TRHDE: variants seen among roughly 807,000 people sequenced by gnomAD.
TRHDE encodes the protein thyrotropin-releasing hormone-degrading ectoenzyme.
TRHDE carries 72 observed loss-of-function variants against 125.7 expected under a neutral mutation model. The observed-to-expected ratio is 0.57, with a 90% CI of 0.47 to 0.70. The LOEUF (loss-of-function observed/expected upper bound fraction) is 0.70, where lower values mean the gene tolerates loss of function less well. TRHDE is among the 30% of genes least tolerant of loss of function. The probability of loss-of-function intolerance (pLI) is 0.00; values close to 1 mark genes in which losing one functional copy is unlikely to be tolerated. For missense variants in TRHDE, 1,110 were observed against 1,327.1 expected (o/e 0.84, Z 2.54); for synonymous variants, 509 against 509.1 (o/e 1.00, Z 0.00).
At chr12:72,475,640 A>G (rs187896632) in intron 5 of TRHDE, among the ~76,000 whole-genome samples, 1 of 152,328 alleles carries the variant, frequency 6.6e-6, no homozygotes, top group African/African-American at 2.4e-5. Flanking sequence ...GAAAATGAAC[A>G]CAGAGTGTAA....
intron 2 of TRHDE, among the ~76,000 whole-genome samples, chr12:72,369,026 A>G (rs1331843427): frequency 6.6e-6 from 1 of 152,176 alleles, no homozygotes; most frequent in African/African-American, 2.4e-5. Flanking sequence ...CTTTATTGCC[A>G]TCTTTGACTT....
intron 2 of TRHDE, among the ~76,000 whole-genome samples, chr12:72,289,057 C>A (rs1565685442): frequency 1.3e-5 from 2 of 152,094 alleles, no homozygotes; most frequent in Non-Finnish European, 1.5e-5. Flanking sequence ...AATCTGTTTT[C>A]TTTTCACTGC....
chr12:72,203,099 T>C lies in TRHDE; in HGVS notation n.279+97347T>C, dbSNP rs112655379. Among the ~76,000 whole-genome samples the C allele has an allele frequency of 3.0e-3, 455 of 152,244 alleles. 3 individuals are homozygous for C. The highest frequency in any genetic ancestry group is 0.017 in the East Asian group (86 of 5,172). ...TTATGTCTTTTATAATGCTTATTGC[T>C]AGTTCATCTTTGTGTGTGTATGAGA... is the stretch of plus-strand genomic sequence containing the variant. On this transcript the variant is annotated intron_variant and non_coding_transcript_variant, in intron 2 of 4. Coordinates refer to the TRHDE transcript ENST00000548156.
intron 5 of TRHDE, among the ~76,000 whole-genome samples, chr12:72,485,177 C>T (rs1403029733): frequency 6.6e-6 from 1 of 152,194 alleles, no homozygotes; most frequent in Admixed American, 6.5e-5. Flanking sequence ...CACTGAGCTA[C>T]ACCCAGAGAA....
intron 2 of TRHDE, among the ~76,000 whole-genome samples, chr12:72,314,667 A>G (rs549479241): frequency 2.8e-4 from 42 of 152,266 alleles, no homozygotes; most frequent in South Asian, 1.5e-3. Flanking sequence ...CTTTGGACCT[A>G]CCAAGAGTCA....
At chr12:72,182,320 T>C (rs1039696935) in intron 2 of TRHDE, among the ~76,000 whole-genome samples, 1 of 152,146 alleles carries the variant, frequency 6.6e-6, no homozygotes, top group Non-Finnish European at 1.5e-5. Context: ...CTTTCCTTTG[T>C]TTGAATTAAG....
intron 5 of TRHDE, among the ~76,000 whole-genome samples, chr12:72,495,350 C>T (rs571051529): frequency 3.2e-4 from 48 of 152,052 alleles, no homozygotes; most frequent in African/African-American, 7.0e-4. Flanking sequence ...TAAGCCATTA[C>T]GCCTGCTACT....
Position 72,195,780 on chromosome 12 carries a change from A to G in TRHDE, n.279+90028A>G, listed in dbSNP as rs983032187. 3.3e-5 allele frequency among the ~76,000 whole-genome samples: 5 copies of G among 152,114 alleles called. No homozygotes were observed. In the South Asian group the frequency reaches 1.0e-3, roughly 31 times the overall value. On this transcript the variant is annotated intron_variant and non_coding_transcript_variant, in intron 2 of 4. Coordinates refer to the TRHDE transcript ENST00000548156. ...TTGTCATAATTGCTTTTGAGGATCT[A>G]GTTATAAATTATTTCCCAAGGCTGA...
chr12:72,568,879 G>C (rs969430074), intron 10 of TRHDE, among the ~76,000 whole-genome samples: 1 of 152,036 alleles, frequency 6.6e-6, no homozygotes, highest in African/African-American at 2.4e-5. Flanking sequence ...ATGGTAAAGA[G>C]AAAACTTAAA....
chr12:72,478,675 AG>A (rs1210095439), intron 5 of TRHDE, among the ~76,000 whole-genome samples: 1 of 152,144 alleles, frequency 6.6e-6, no homozygotes, highest in Non-Finnish European at 1.5e-5. Context: ...AACTACAAGG[AG>A]GATATAAGAG....
At chr12:72,562,351 T>C in intron 8 of TRHDE, 121 bp downstream of exon 8, 1 of 503,624 alleles carries the variant, frequency 2.0e-6, no homozygotes, top group Non-Finnish European at 3.6e-6. Context: ...ATTTTTCATT[T>C]GTTCATATTG....
chr12:72,194,537 C>A (rs960012965), intron 2 of TRHDE, among the ~76,000 whole-genome samples: 5 of 152,086 alleles, frequency 3.3e-5, no homozygotes, highest in Non-Finnish European at 7.4e-5. Context: ...TCTTTCCCCC[C>A]TCCTTTCCCC....
At chr12:72,386,700 C>G (rs1178233036) in intron 3 of TRHDE, among the ~76,000 whole-genome samples, 1 of 152,138 alleles carries the variant, frequency 6.6e-6, no homozygotes, top group Non-Finnish European at 1.5e-5. Flanking sequence ...CATTTTACAT[C>G]AGACTTCCCC....
rs944874018 is a variant in TRHDE at position 72,663,896 on chromosome 12, T to C, written c.*701T>C. On this transcript the variant is annotated 3_prime_UTR_variant, in exon 19 of 19. Coordinates refer to ENST00000261180, the MANE Select transcript of TRHDE (RefSeq NM_013381.3). ...TGTATATGTACATAGGGAAGCCCCATATGTATATAGTATGTTGTACACTGC... is the reference window on the plus strand; with the variant it reads ...TGTATATGTACATAGGGAAGCCCCACATGTATATAGTATGTTGTACACTGC... 6.6e-6 allele frequency: 1 copy of C among 152,098 alleles called. No individual in the cohort carries two copies. The highest frequency in any genetic ancestry group is 2.4e-5 in the African/African-American group (1 of 41,450). 9.4% of individuals were successfully genotyped at this position (152,098 alleles called of 1,614,324 possible). A position where few individuals can be genotyped will look rare whatever the true frequency, so the allele number is the denominator to read the frequency against.
In TRHDE at chr12:72,253,597, T is replaced by A. The variant is rs764936564; in HGVS notation, n.280-124398T>A. 2.0e-5 allele frequency: 3 copies of A among 152,132 alleles called. No individual in the cohort carries two copies. In the South Asian group the frequency reaches 6.2e-4, roughly 32 times the overall value. 9.4% of individuals were successfully genotyped at this position (152,132 alleles called of 1,614,324 possible). A position where few individuals can be genotyped will look rare whatever the true frequency, so the allele number is the denominator to read the frequency against. ...TACAGAAATTGCTCACACATCTCCT[T>A]TCCCCACACATGTATAGCTTCCCTC... On this transcript the variant is annotated intron_variant and non_coding_transcript_variant, in intron 2 of 4. Transcript: ENST00000548156.
intron 7 of TRHDE, among the ~76,000 whole-genome samples, chr12:72,548,553 G>A (rs1273504397): frequency 6.6e-6 from 1 of 151,650 alleles, no homozygotes; most frequent in Non-Finnish European, 1.5e-5. Context: ...AGTAGAATAA[G>A]TCTTACTTTT....
At chr12:72,528,842 C>A (rs1476316007) in intron 6 of TRHDE, among the ~76,000 whole-genome samples, 2 of 151,966 alleles carry the variant, frequency 1.3e-5, no homozygotes, top group Non-Finnish European at 2.9e-5. Flanking sequence ...TAGTTTGGGG[C>A]ATTTTAGTCT....
At chr12:72,397,678 A>G (rs952196921) in intron 3 of TRHDE, among the ~76,000 whole-genome samples, 60 of 152,138 alleles carry the variant, frequency 3.9e-4, no homozygotes, top group African/African-American at 1.4e-3. Context: ...AATGCTTTTC[A>G]CTAGAAATGT....
At chr12:72,473,232 T>C in intron 5 of TRHDE, 52 bp downstream of exon 5, 1 of 1,373,172 alleles carries the variant, frequency 7.3e-7, no homozygotes. Context: ...GATCTAGTGT[T>C]ACATTAGGCT....
Sources: allele counts gnomAD v4.1 joint callset (sites outside exome capture counted in the v4.1 genomes callset), GRCh38; gene constraint gnomAD v4.1.1; transcripts MANE v1.5; gene names NCBI Gene and HGNC (gene_info 2026-07-23, HGNC 2026-07-21).